PIEZO2: variants seen among roughly 807,000 people sequenced by gnomAD.
PIEZO2 encodes piezo-type mechanosensitive ion channel component 2.
A neutral mutation model predicts 337.3 loss-of-function variants in PIEZO2; 172 were observed. The ratio of observed to expected loss-of-function variants is 0.51; its 90% CI spans 0.45 to 0.58. The LOEUF is 0.58. Ranked by LOEUF, PIEZO2 falls within the 20% of genes least tolerant of loss-of-function variation. The pLI is 0.00. For missense variants in PIEZO2, 3,028 were observed against 3,391.3 expected, an observed-to-expected ratio of 0.89 and a Z score of 2.66; for synonymous variants, 1,251 against 1,228.5, an observed-to-expected ratio of 1.02 and a Z score of -0.38.
intron 36 of PIEZO2, 130 bp downstream of exon 36, chr18:10,731,277 T>G: frequency 2.0e-6 from 1 of 489,882 alleles, no homozygotes; most frequent in East Asian, 3.4e-5. Context: ...TAGGACAAAT[T>G]AAAACTGTTG....
intron 3 of PIEZO2, among the ~76,000 whole-genome samples, chr18:10,938,786 T>C (rs1054377602): frequency 8.5e-5 from 13 of 152,228 alleles, no homozygotes; most frequent in Non-Finnish European, 1.9e-4. Flanking sequence ...ATTCACACTT[T>C]AAAAGTAAGT....
chr18:10,800,407 C>A lies in PIEZO2; in HGVS notation c.1308G>T (p.Glu436Asp). 1 of 1,536,224 alleles carries A rather than the reference C, an allele frequency of 6.5e-7. No individual in the cohort carries two copies. The highest frequency in any genetic ancestry group is 1.2e-5 in the South Asian group (1 of 83,828). The change falls in exon 11 of 56, where the codon GAG (glutamate) becomes GAT (aspartate). Residue 436 changes from glutamate to aspartate, a missense_variant. Coordinates refer to ENST00000674853, the MANE Select transcript of PIEZO2 (RefSeq NM_001378183.1). Reference protein sequence around the residue: ...YHTIHPSLPMENGPGKADLYS... With the variant: ...YHTIHPSLPMDNGPGKADLYS... Reference sequence around the variant, plus strand: ...AGAGGTCGGCTTTGCCAGGGCCGTTCTCCATGGGCAGGCTTGGGTGGATGG... The same window carrying A: ...AGAGGTCGGCTTTGCCAGGGCCGTTATCCATGGGCAGGCTTGGGTGGATGG...
In PIEZO2 at chr18:10,726,369, A is replaced by T; in HGVS notation, c.5029+5038T>A. 1 of 1,515,022 alleles carries T rather than the reference A, an allele frequency of 6.6e-7. No homozygotes were observed. The highest frequency in any genetic ancestry group is 8.8e-7 in the Non-Finnish European group (1 of 1,138,060). 93.8% of individuals were successfully genotyped at this position (1,515,022 alleles called of 1,614,324 possible). ...GCCTCCCTTCGCCTTCCCCGCAGGC[A>T]CCCACTACCTGCGGGGCGGTAACAA... On this transcript the variant is annotated intron_variant, in intron 36 of 55. Coordinates refer to ENST00000674853, the MANE Select transcript of PIEZO2 (RefSeq NM_001378183.1). The surrounding 1 kb of genome is among the most constrained non-coding windows in gnomAD (Gnocchi z 5.9).
chr18:10,873,028 A>C (rs2042175804), intron 4 of PIEZO2, among the ~76,000 whole-genome samples: 1 of 152,158 alleles, frequency 6.6e-6, no homozygotes, highest in Non-Finnish European at 1.5e-5. Context: ...AGATAGGGCA[A>C]TATACCATGT....
intron 21 of PIEZO2, chr18:10,769,865 G>GAA: frequency 3.5e-6 from 1 of 283,342 alleles, no homozygotes; most frequent in African/African-American, 2.2e-5. Context: ...CATAGGCAGG[G>GAA]GCAGAAGGGC....
chr18:10,800,034 C>A (rs548502331), intron 11 of PIEZO2, among the ~76,000 whole-genome samples: 8 of 151,250 alleles, frequency 5.3e-5, no homozygotes, highest in African/African-American at 1.9e-4. Flanking sequence ...ATTACAATAT[C>A]AACTAAAAGA....
rs983911570 is a variant in PIEZO2 at position 10,783,475 on chromosome 18, C to T, written c.2492+1309G>A. Among the ~76,000 whole-genome samples, 1 of 152,176 alleles carries T rather than the reference C, an allele frequency of 6.6e-6. No homozygotes were observed. The highest frequency in any genetic ancestry group is 2.1e-4 in the South Asian group (1 of 4,820). On this transcript the variant is annotated intron_variant, in intron 17 of 55. Transcript: ENST00000674853. The surrounding 1 kb of genome is among the most constrained non-coding windows in gnomAD (Gnocchi z 4.3). ...TGATTTTCCCTCCCATCAAGTTTGT[C>T]TATGACTGATATCTTCTAGGGTTCC...
chr18:10,950,526 T>C (rs1223713208), intron 3 of PIEZO2, among the ~76,000 whole-genome samples: 2 of 152,242 alleles, frequency 1.3e-5, no homozygotes, highest in Non-Finnish European at 2.9e-5. Flanking sequence ...ATTACTTGTG[T>C]CTTTGGTTAT....
intron 2 of PIEZO2, among the ~76,000 whole-genome samples, chr18:11,013,302 G>A (rs1316538575): frequency 6.6e-6 from 1 of 152,114 alleles, no homozygotes; most frequent in Non-Finnish European, 1.5e-5. Flanking sequence ...GTCATTGCTG[G>A]CTTTGAAGAC....
intron 7 of PIEZO2, among the ~76,000 whole-genome samples, chr18:10,845,202 A>G (rs190897764): frequency 0.011 from 1,681 of 150,644 alleles, 35 homozygotes; most frequent in African/African-American, 0.039. Context: ...GTGTGTGTGT[A>G]TATATATATA....
intron 54 of PIEZO2, among the ~76,000 whole-genome samples, chr18:10,674,111 C>T (rs1431828307): frequency 6.6e-6 from 1 of 152,098 alleles, no homozygotes; most frequent in Non-Finnish European, 1.5e-5. Context: ...GAGTAAGGCA[C>T]AGCATGATCC....
rs989433544 is a variant in PIEZO2, at chr18:10,878,865, A to G, written c.330-7450T>C. On this transcript the variant is annotated intron_variant, in intron 4 of 55. Transcript: ENST00000674853. The surrounding 1 kb of genome is among the most constrained non-coding windows in gnomAD (Gnocchi z 4.3). ...CATGATCCCCAAGGAAATGAAGGCC[A>G]CAGGAGAAACAGTGACGTGGCTGCT... Among the ~76,000 whole-genome samples the G allele has an allele frequency of 6.6e-6, 1 of 152,064 alleles. No individual in the cohort carries two copies. The highest frequency in any genetic ancestry group is 1.5e-5 in the Non-Finnish European group (1 of 68,008).
At position 11,124,144 on chromosome 18, in the gene PIEZO2, C is replaced by A. The variant is rs145985531; in HGVS notation, c.64+24381G>T. Reference sequence around the variant, plus strand: ...TGCCTGGCAGACAATAGATATTTGACACATATGTGTTGAATGAATGAATGA... The same window carrying A: ...TGCCTGGCAGACAATAGATATTTGAAACATATGTGTTGAATGAATGAATGA... On this transcript the variant is annotated intron_variant, in intron 1 of 55. Transcript: ENST00000674853. Among the ~76,000 whole-genome samples, 136 of 152,260 alleles carry A rather than the reference C, an allele frequency of 8.9e-4. 1 individual carries two copies. The Middle Eastern group carries it at 0.014, about 15-fold the overall frequency.
Position 10,799,860 on chromosome 18 carries a change from C to T in PIEZO2, c.1378+477G>A, listed in dbSNP as rs1325534826. ...TGGTGGTGGGCACCTGTAGTCCCAA[C>T]TACTAGGGAGGCTGAGGCAGGAGAA... On this transcript the variant is annotated intron_variant, in intron 11 of 55. Transcript: ENST00000674853. Among the ~76,000 whole-genome samples the T allele has an allele frequency of 4.6e-5, 7 of 151,510 alleles. 1 individual carries two copies. In the East Asian group the frequency reaches 1.4e-3, roughly 30 times the overall value.
chr18:11,003,025 G>A lies in PIEZO2; in HGVS notation c.161-23365C>T, dbSNP rs893480415. Among the ~76,000 whole-genome samples the A allele has an allele frequency of 2.6e-4, 40 of 152,190 alleles. No homozygotes were observed. Among genetic ancestry groups the A allele is most frequent in the South Asian group, 2.1e-4 (1 of 4,826 alleles). ...CTTCCTCCTTGAATGACCAACATCC[G>A]TTGCATGAGGTCAAGGACAGCCTTA... On this transcript the variant is annotated intron_variant, in intron 2 of 55. Coordinates refer to ENST00000674853, the MANE Select transcript of PIEZO2 (RefSeq NM_001378183.1). This position sits in a 1 kb window ranked among gnomAD's most constrained non-coding sequence, Gnocchi z 4.6.
At chr18:10,997,252 A>T (rs1027114587) in intron 2 of PIEZO2, among the ~76,000 whole-genome samples, 6 of 152,032 alleles carry the variant, frequency 3.9e-5, no homozygotes, top group Non-Finnish European at 8.8e-5. Context: ...TGCAAAAAAA[A>T]AAAAAAGAAA....
intron 23 of PIEZO2, among the ~76,000 whole-genome samples, chr18:10,762,219 A>C (rs2038164694): frequency 6.6e-6 from 1 of 152,244 alleles, no homozygotes; most frequent in South Asian, 2.1e-4. Flanking sequence ...TAATGCACCC[A>C]TCGACCTTAA....
At chr18:11,115,979 AATAG>A (rs1172661478) in intron 1 of PIEZO2, among the ~76,000 whole-genome samples, 1 of 152,228 alleles carries the variant, frequency 6.6e-6, no homozygotes, top group Non-Finnish European at 1.5e-5. Flanking sequence ...TGTAAATATC[AATAG>A]ATAGTTTTAA....
At chr18:10,760,530 C>T (rs1026106823) in intron 24 of PIEZO2, among the ~76,000 whole-genome samples, 5 of 152,298 alleles carry the variant, frequency 3.3e-5, no homozygotes, top group African/African-American at 1.2e-4. Flanking sequence ...GTCTCAAAGT[C>T]CTGACCTCAG....
Sources: gnomAD v4.1 joint callset for allele counts (sites outside exome capture counted in the v4.1 genomes callset) on GRCh38, gnomAD v4.1.1 for gene constraint, Gnocchi (gnomAD v3.1) non-coding constraint, MANE v1.5 for transcripts, NCBI Gene and HGNC (gene_info 2026-07-23, HGNC 2026-07-21) for gene names.